Variants in CRYAB observed in about 807,000 individuals in gnomAD.
CRYAB encodes the protein crystallin alpha B.
In CRYAB, 9 loss-of-function variants were observed where a neutral mutation model predicts 12.7. The ratio of observed to expected loss-of-function variants is 0.71; its 90% CI spans 0.43 to 1.24. CRYAB has a LOEUF of 1.24. CRYAB is among the 50% of genes most tolerant of loss of function. CRYAB has a pLI of 0.00. For synonymous variants in CRYAB, 93 were observed against 86.8 expected, an observed-to-expected ratio of 1.07 and a Z score of -0.40; for missense variants, 183 against 226.6, an observed-to-expected ratio of 0.81 and a Z score of 1.24.
intron 1 of CRYAB, chr11:111,919,158 C>G: frequency 3.5e-6 from 3 of 851,092 alleles, no homozygotes; most frequent in East Asian, 2.7e-5. Flanking sequence ...AGAGCAGCAC[C>G]TCCTTTCAGG....
At chr11:111,915,322 GCTGT>G (rs1483501994), upstream of CRYAB, among the ~76,000 whole-genome samples, 7 of 152,104 alleles carry the variant, frequency 4.6e-5, no homozygotes, top group African/African-American at 1.7e-4. Context: ...TTAAAAGATT[GCTGT>G]CTATTAAAAA....
At chr11:111,914,082 A>AAAT (rs1308786990), upstream of CRYAB, 19 of 606,568 alleles carry the variant, frequency 3.1e-5, no homozygotes, top group African/African-American at 3.3e-4. Flanking sequence ...GAATAAACCC[A>AAAT]AATCTCAGGG....
intron 1 of CRYAB, chr11:111,918,689 T>C (rs781996882): frequency 4.4e-6 from 3 of 683,870 alleles, no homozygotes; most frequent in South Asian, 3.0e-5. Flanking sequence ...TTTCTTTTTA[T>C]TGAAGCTTGA....
intron 1 of CRYAB, chr11:111,918,804 C>T: frequency 6.8e-6 from 5 of 733,630 alleles, no homozygotes; most frequent in Non-Finnish European, 1.2e-5. Flanking sequence ...GGAACACAGT[C>T]ACCTGGGAAT....
At chr11:111,912,877 C>T (rs1555165762), upstream of CRYAB, 1 of 1,609,972 alleles carries the variant, frequency 6.2e-7, no homozygotes, top group Non-Finnish European at 8.5e-7. Flanking sequence ...CCGCCGAGTA[C>T]GAATTTGCCA....
At position 111,908,781 on chromosome 11, in the gene CRYAB, C is replaced by A; in HGVS notation, c.511G>T (p.Ala171Ser). The stretch of plus-strand genomic sequence containing the variant: ...AAGGGCATCTATTTCTTGGGGGCTG[C>A]GGTGACAGCAGGCTTCTCTTCACGG... ...ITREEKPAVT[A>S]APKK The change falls in exon 3 of 3, where the codon GCA becomes TCA. Residue 171 changes from alanine to serine, a missense_variant. Physicochemically the swap from Ala to Ser is moderately conservative, Grantham distance 99. Transcript: ENST00000650687. The A allele has an allele frequency of 6.2e-7, 1 of 1,612,772 alleles. No individual in the cohort carries two copies. The highest frequency in any genetic ancestry group is 8.5e-7 in the Non-Finnish European group (1 of 1,179,970).
chr11:111,910,382 T>A lies in CRYAB; in HGVS notation c.269A>T (p.Lys90Ile). 6.2e-7 allele frequency: 1 copy of A among 1,614,222 alleles called. No homozygotes were observed. The highest frequency in any genetic ancestry group is 8.5e-7 in the Non-Finnish European group (1 of 1,180,036). Reference protein sequence around the residue: ...DVKHFSPEELKVKVLGDVIEV... With the variant: ...DVKHFSPEELIVKVLGDVIEV... ...AATCACATCTCCCAACACCTTAACT[T>A]TGAGTTCCTCTGGGGAGAAGTGCTT... The change falls in exon 2 of 3, where the codon AAA becomes ATA. Residue 90 changes from lysine (K) to isoleucine (I), a missense_variant. Lys to Ile is a moderately radical substitution (Grantham distance 102). This residue lies in a region of CRYAB where 95 missense variants were observed against 112.5 expected (regional missense o/e 0.84). Transcript: ENST00000650687.
At position 111,908,955 on chromosome 11, in the gene CRYAB, A is replaced by C; in HGVS notation, c.337T>G (p.Phe113Val). Residue 113 changes from phenylalanine (F) to valine (V), a missense_variant, in exon 3 of 3, where the codon TTC becomes GTC. By Grantham distance (50) the Phe-to-Val change is conservative. Around this residue, in one of 3 missense-constraint regions of CRYAB, gnomAD observed 95 missense variants for 112.5 expected, o/e 0.84. Coordinates refer to ENST00000650687, the MANE Select transcript of CRYAB (RefSeq NM_001289808.2). Reference protein sequence around the residue: ...KHEERQDEHGFISREFHRKYR... With the variant: ...KHEERQDEHGVISREFHRKYR... Reference sequence around the variant, plus strand: ...TTCCTGTGGAACTCCCTGGAGATGAAACCATGTTCATCCTAACCCAAAAGA... The same window carrying C: ...TTCCTGTGGAACTCCCTGGAGATGACACCATGTTCATCCTAACCCAAAAGA... 6.2e-7 allele frequency: 1 copy of C among 1,614,138 alleles called. No individual in the cohort carries two copies. Among genetic ancestry groups the C allele is most frequent in the Non-Finnish European group, 8.5e-7 (1 of 1,179,996 alleles).
At chr11:111,909,608 C>T (rs1306199017) in intron 2 of CRYAB, among the ~76,000 whole-genome samples, 1 of 152,148 alleles carries the variant, frequency 6.6e-6, no homozygotes, top group Non-Finnish European at 1.5e-5. Flanking sequence ...GACCTTAACC[C>T]GTATGCCTGC....
intron 1 of CRYAB, among the ~76,000 whole-genome samples, chr11:111,920,629 T>G (rs1965680224): frequency 6.6e-6 from 1 of 151,794 alleles, no homozygotes; most frequent in Admixed American, 6.6e-5. Flanking sequence ...CTAGGCGTGG[T>G]GGTGCGTGCT....
chr11:111,919,813 C>T (rs1965660182), intron 1 of CRYAB, among the ~76,000 whole-genome samples: 1 of 152,204 alleles, frequency 6.6e-6, no homozygotes, highest in Admixed American at 6.5e-5. Flanking sequence ...CCAACTGAGG[C>T]CCACCTGACT....
upstream of CRYAB, chr11:111,913,918 C>A: frequency 5.1e-6 from 8 of 1,567,162 alleles, no homozygotes; most frequent in Non-Finnish European, 6.1e-6. Context: ...CAGCACCCAG[C>A]AAATCCCTCT....
chr11:111,911,629 C>A lies in CRYAB; in HGVS notation c.96G>T (p.Leu32=), dbSNP rs782402748. ...ACGTCGGGAAAAGATCAGACTCCAA[C>A]AGGTGCTCTCCGAAGAACTGGTCAA... ...RLFDQFFGEH[L]LESDLFPTST... is the part of the protein sequence containing the mutation. The change falls in exon 1 of 3, where the codon CTG becomes CTT. Residue 32 remains leucine, a synonymous_variant. Coordinates refer to ENST00000650687, the MANE Select transcript of CRYAB (RefSeq NM_001289808.2). The A allele has an allele frequency of 6.2e-7, 1 of 1,612,276 alleles. No homozygotes were observed. Among genetic ancestry groups the A allele is most frequent in the Non-Finnish European group, 8.5e-7 (1 of 1,179,348 alleles).
In CRYAB at chr11:111,920,788, G is replaced by T. The variant is rs1965684246; in HGVS notation, c.-199+2915C>A. ...CAAAAATGAAAATAAAAATAAAAGG[G>T]CAGAAGTAGGAAAAAGAAGAATATC... On this transcript the variant is annotated intron_variant, in intron 1 of 3. Transcript: ENST00000527950. Among the ~76,000 whole-genome samples the T allele has an allele frequency of 2.0e-5, 3 of 151,960 alleles. 1 individual carries two copies. The highest frequency in any genetic ancestry group is 1.3e-4 in the Admixed American group (2 of 15,250).
chr11:111,910,226 G>T (rs781832485), intron 2 of CRYAB, 101 bp downstream of exon 2: 733 of 1,400,488 alleles, frequency 5.2e-4, no homozygotes, highest in Admixed American at 4.7e-3. Flanking sequence ...GTTATGGCTT[G>T]GGACTGGAAT....
chr11:111,913,737 C>T (rs587679193), upstream of CRYAB: 11 of 1,614,016 alleles, frequency 6.8e-6, no homozygotes, highest in East Asian at 2.2e-5. Context: ...CGACCCCTGG[C>T]GAGTCCGAGC....
intron 2 of CRYAB, chr11:111,909,867 G>C: frequency 2.3e-6 from 1 of 431,924 alleles, no homozygotes; most frequent in South Asian, 2.9e-5. Flanking sequence ...TACCTAATCA[G>C]TGGTTCTCAA....
chr11:111,913,716 C>T, upstream of CRYAB: 1 of 1,614,176 alleles, frequency 6.2e-7, no homozygotes, highest in East Asian at 2.2e-5. Context: ...CTATGTCCTG[C>T]CTGCTGATGT....
At chr11:111,913,220 CCTCCTCCTT>C (rs1965528214), upstream of CRYAB, 2 of 606,378 alleles carry the variant, frequency 3.3e-6, no homozygotes, top group Non-Finnish European at 5.9e-6. Context: ...TCCTCCCCCT[CCTCCTCCTT>C]CTCCTCCTCC....
Sources: allele counts gnomAD v4.1 joint callset (sites outside exome capture counted in the v4.1 genomes callset), GRCh38; gene constraint gnomAD v4.1.1; regional missense constraint gnomAD v4.1.1; transcripts MANE v1.5; gene names NCBI Gene and HGNC (gene_info 2026-07-23, HGNC 2026-07-21).